Variants in CELF2 observed in about 807,000 individuals in gnomAD.
The protein encoded by CELF2 is CUGBP Elav-like family member 2.
In CELF2, 8 loss-of-function variants were observed where a neutral mutation model predicts 62.6. That is an observed-to-expected ratio of 0.13 (90% CI 0.07 to 0.23). CELF2 has a LOEUF of 0.23. Among genes scored for constraint, CELF2 ranks in the 10% least tolerant of loss-of-function variants. The pLI is 1.00. For synonymous variants in CELF2, 258 were observed against 250.0 expected, an observed-to-expected ratio of 1.03 and a Z score of -0.30; for missense variants, 333 against 671.0, an observed-to-expected ratio of 0.50 and a Z score of 5.56.
chr10:10,926,278 G>A (rs549218772), intron 2 of CELF2, among the ~76,000 whole-genome samples: 2 of 152,054 alleles, frequency 1.3e-5, no homozygotes, highest in Non-Finnish European at 2.9e-5. Context: ...TGTCATGAGC[G>A]GATCAATGCC....
chr10:10,621,762 A>C, the CELF2 span, among the ~76,000 whole-genome samples: 2 of 152,230 alleles, frequency 1.3e-5, no homozygotes, highest in Non-Finnish European at 2.9e-5. Flanking sequence ...ATTAAGAGAT[A>C]GCAAACTCAC....
chr10:10,742,493 G>T, the CELF2 span, among the ~76,000 whole-genome samples: 31 of 151,856 alleles, frequency 2.0e-4, no homozygotes, highest in African/African-American at 7.0e-4. Context: ...GCCAGGCATG[G>T]TGGTGCACGC....
At position 11,220,409 on chromosome 10, in the gene CELF2, A is replaced by G. The variant is rs2064490083; in HGVS notation, c.354+2902A>G. Among the ~76,000 whole-genome samples the G allele has an allele frequency of 6.6e-6, 1 of 152,100 alleles. No individual in the cohort carries two copies. Among genetic ancestry groups the G allele is most frequent in the South Asian group, 2.1e-4 (1 of 4,818 alleles). On this transcript the variant is annotated intron_variant, in intron 3 of 12. Transcript: ENST00000633077. The surrounding 1 kb of genome is among the most constrained non-coding windows in gnomAD (Gnocchi z 4.4). ...TAGGAAGCAGAAACAAGTTGATAGGATGGTCTGTTGTGCAATCAAATGTGT... is the reference window on the plus strand; with the variant it reads ...TAGGAAGCAGAAACAAGTTGATAGGGTGGTCTGTTGTGCAATCAAATGTGT...
intron 3 of CELF2, among the ~76,000 whole-genome samples, chr10:11,248,385 T>C (rs368172540): frequency 6.6e-5 from 10 of 152,140 alleles, no homozygotes; most frequent in African/African-American, 2.4e-4. Context: ...ACTCCTGTCA[T>C]GTACTGGACA....
At chr10:10,832,811 A>G (rs1449661776) in intron 1 of CELF2, among the ~76,000 whole-genome samples, 2 of 152,176 alleles carry the variant, frequency 1.3e-5, no homozygotes, top group Admixed American at 1.3e-4. Context: ...CATTCATTAC[A>G]CTGGAATCGG....
chr10:11,099,894 A>C (rs929171703), intron 1 of CELF2, among the ~76,000 whole-genome samples: 5 of 151,454 alleles, frequency 3.3e-5, no homozygotes, highest in African/African-American at 4.8e-5. Flanking sequence ...CAAAAAAAAA[A>C]AAAAAAAACA....
chr10:10,748,779 C>G, the CELF2 span, among the ~76,000 whole-genome samples: 1 of 140,510 alleles, frequency 7.1e-6, no homozygotes, highest in Non-Finnish European at 1.5e-5. Flanking sequence ...AAAAAGAATT[C>G]TCTCTGAAAG....
the CELF2 span, among the ~76,000 whole-genome samples, chr10:10,610,370 C>T: frequency 6.6e-6 from 1 of 152,186 alleles, no homozygotes; most frequent in Non-Finnish European, 1.5e-5. Context: ...ATGATGCCAA[C>T]TCAAAAAACA....
At chr10:11,091,867 G>A (rs1247226141) in intron 1 of CELF2, among the ~76,000 whole-genome samples, 1 of 152,174 alleles carries the variant, frequency 6.6e-6, no homozygotes, top group Admixed American at 6.5e-5. Flanking sequence ...GATATAACTC[G>A]TTCATGAGGA....
At chr10:10,948,337 G>A (rs1030292621) in intron 2 of CELF2, 1 of 152,150 alleles carries the variant, frequency 6.6e-6, no homozygotes, top group East Asian at 1.9e-4. Context: ...CTTAGCCAGA[G>A]TAGTAGCAGA....
At chr10:11,003,106 A>G (rs1242901809), upstream of CELF2, among the ~76,000 whole-genome samples, 3 of 152,322 alleles carry the variant, frequency 2.0e-5, no homozygotes, top group Admixed American at 6.5e-5. This position sits in a 1 kb window ranked among gnomAD's most constrained non-coding sequence, Gnocchi z 4.4. Context: ...CACATGGTGG[A>G]TGTAAAGCCC....
intron 1 of CELF2, among the ~76,000 whole-genome samples, chr10:11,163,603 C>T (rs1249553954): frequency 6.6e-6 from 1 of 152,174 alleles, no homozygotes; most frequent in Non-Finnish European, 1.5e-5. Flanking sequence ...AGATTTTGTA[C>T]TCAGTATTTT....
intron 1 of CELF2, among the ~76,000 whole-genome samples, chr10:11,027,928 C>G (rs761903911): frequency 1.3e-5 from 2 of 152,220 alleles, no homozygotes; most frequent in Non-Finnish European, 2.9e-5. Flanking sequence ...TTATAGCTTC[C>G]TGGCACTTAA....
the CELF2 span, among the ~76,000 whole-genome samples, chr10:10,710,694 G>T: frequency 2.0e-5 from 3 of 151,920 alleles, no homozygotes; most frequent in Non-Finnish European, 2.9e-5. Context: ...GAGCAGTAAG[G>T]GTCCCATCTG....
At chr10:10,564,682 G>GTGCA in the CELF2 span, among the ~76,000 whole-genome samples, 1 of 130,692 alleles carries the variant, frequency 7.7e-6, no homozygotes, top group African/African-American at 2.7e-5. Flanking sequence ...ACGCACACAC[G>GTGCA]CACACACACA....
chr10:10,900,463 TA>T (rs1308339845), intron 1 of CELF2, among the ~76,000 whole-genome samples: 9 of 152,264 alleles, frequency 5.9e-5, no homozygotes, highest in African/African-American at 2.2e-4. Context: ...AAAAACCACA[TA>T]ATCATCTCAA....
At chr10:11,004,242 G>A (rs142130961), upstream of CELF2, among the ~76,000 whole-genome samples, 14 of 152,182 alleles carry the variant, frequency 9.2e-5, no homozygotes, top group East Asian at 9.7e-4. This position sits in a 1 kb window ranked among gnomAD's most constrained non-coding sequence, Gnocchi z 5.0. Context: ...GAATGGGAGC[G>A]GGACCAGGAT....
intron 2 of CELF2, among the ~76,000 whole-genome samples, chr10:11,188,800 A>C (rs1009593764): frequency 6.6e-6 from 1 of 152,174 alleles, no homozygotes; most frequent in Non-Finnish European, 1.5e-5. Context: ...GTTGCCTTAC[A>C]GCTCACTAAT....
chr10:11,219,639 C>T (rs2064250559), intron 3 of CELF2, among the ~76,000 whole-genome samples: 1 of 152,232 alleles, frequency 6.6e-6, no homozygotes, highest in African/African-American at 2.4e-5. Context: ...GAGAGAGTTT[C>T]ACATCTTGCA....
Sources: allele counts gnomAD v4.1 joint callset (sites outside exome capture counted in the v4.1 genomes callset), GRCh38; gene constraint gnomAD v4.1.1; non-coding constraint Gnocchi (gnomAD v3.1); transcripts MANE v1.5; gene names NCBI Gene and HGNC (gene_info 2026-07-23, HGNC 2026-07-21).